ZNF831: variants seen among roughly 807,000 people sequenced by gnomAD.
ZNF831 encodes zinc finger protein 831, also known as chromosome 20 open reading frame 174.
A neutral mutation model predicts 95.8 loss-of-function variants in ZNF831; 59 were observed. The observed-to-expected ratio is 0.62, with a 90% CI of 0.50 to 0.77. The LOEUF is 0.77. ZNF831 is among the 30% of genes least tolerant of loss of function. The pLI, the probability that ZNF831 is intolerant of heterozygous loss-of-function variation, is 0.00. For missense variants in ZNF831, 2,205 were observed against 2,164.0 expected, an observed-to-expected ratio of 1.02 and a Z score of -0.38; for synonymous variants, 961 against 925.5, an observed-to-expected ratio of 1.04 and a Z score of -0.70.
intron 3 of ZNF831, among the ~76,000 whole-genome samples, chr20:59,199,774 C>T (rs1984397249): frequency 6.6e-6 from 1 of 152,072 alleles, no homozygotes; most frequent in Non-Finnish European, 1.5e-5. Context: ...TTTTAAGCCC[C>T]TTTATTTATA....
intron 1 of ZNF831, among the ~76,000 whole-genome samples, chr20:59,185,292 C>T (rs1311665208): frequency 1.3e-5 from 2 of 152,196 alleles, no homozygotes; most frequent in African/African-American, 4.8e-5. Flanking sequence ...TCAGCTGTTA[C>T]TCAAAGGCGT....
chr20:59,189,906 A>G (rs1348381725), intron 1 of ZNF831, among the ~76,000 whole-genome samples: 1 of 152,198 alleles, frequency 6.6e-6, no homozygotes, highest in Non-Finnish European at 1.5e-5. Flanking sequence ...GGATGGGTGA[A>G]ATGTGCTTAT....
At chr20:59,197,619 C>G (rs1471577002) in intron 3 of ZNF831, among the ~76,000 whole-genome samples, 1 of 152,182 alleles carries the variant, frequency 6.6e-6, no homozygotes, top group Non-Finnish European at 1.5e-5. Flanking sequence ...GGGAGTGGGG[C>G]TTTCCTTTCC....
At position 59,240,551 on chromosome 20, in the gene ZNF831, C is replaced by T. The variant is rs148195640; in HGVS notation, c.4028-12427C>T. 6.2e-3 allele frequency among the ~76,000 whole-genome samples: 940 copies of T among 152,178 alleles called. 34 individuals are homozygous for T. The East Asian group carries it at 0.069, about 11-fold the overall frequency. On this transcript the variant is annotated intron_variant, in intron 4 of 5. Transcript: ENST00000371030. ...GCGCGGTGGCTCACTCCTGTAATCC[C>T]AGCACTTTGGGAGGCTGAGGCGGGC...
In ZNF831 at chr20:59,253,003, T is replaced by G; in HGVS notation, c.4053T>G (p.Ser1351=). 1 of 1,613,966 alleles carries G rather than the reference T, an allele frequency of 6.2e-7. No individual in the cohort carries two copies. ...GTCTGAATCTGCAAGAGGAGCCATC[T>G]TGTGCCACCTCAGAATCACCTCCTT... ...IAGLNLQEEP[S]CATSESPPCC... The change falls in exon 5 of 6, where the codon TCT becomes TCG. Residue 1351 remains serine (S), a synonymous_variant. Transcript: ENST00000371030.
rs1345198596 is a variant in ZNF831 at position 59,192,311 on chromosome 20, A to C, written c.1292A>C (p.Lys431Thr). ...DAQLDNVRPR[K>T]TGLSKQGSID... ...CAGCTGGACAACGTGCGGCCCCGGAAGACCGGGCTGTCCAAACAGGGCAGC... is the reference window on the plus strand; with the variant it reads ...CAGCTGGACAACGTGCGGCCCCGGACGACCGGGCTGTCCAAACAGGGCAGC... Residue 431 changes from lysine to threonine, a missense_variant, in exon 2 of 6, where the codon AAG becomes ACG. Transcript: ENST00000371030. The surrounding 1 kb of genome is among the most constrained non-coding windows in gnomAD (Gnocchi z 5.2). 6.3e-7 allele frequency: 1 copy of C among 1,594,262 alleles called. No individual in the cohort carries two copies. The highest frequency in any genetic ancestry group is 1.7e-5 in the Admixed American group (1 of 57,800).
intron 2 of ZNF831, among the ~76,000 whole-genome samples, chr20:59,154,261 G>A (rs1370743678): frequency 6.6e-6 from 1 of 152,158 alleles, no homozygotes; most frequent in African/African-American, 2.4e-5. Flanking sequence ...CATACATGCA[G>A]AGACTAAGTG....
intron 1 of ZNF831, among the ~76,000 whole-genome samples, chr20:59,145,537 T>G (rs1979818381): frequency 6.6e-6 from 1 of 152,190 alleles, no homozygotes; most frequent in Non-Finnish European, 1.5e-5. Flanking sequence ...CATTCCACTG[T>G]GTGCATGATG....
chr20:59,133,865 A>T (rs979172071), intron 1 of ZNF831, among the ~76,000 whole-genome samples: 8 of 152,098 alleles, frequency 5.3e-5, no homozygotes, highest in Admixed American at 3.9e-4. Flanking sequence ...CATGCTGCTC[A>T]CTCTCAGGTC....
Position 59,192,348 on chromosome 20 carries a change from C to T in ZNF831, c.1329C>T (p.Pro443=), listed in dbSNP as rs936293980. Residue 443 remains proline, a synonymous_variant, in exon 2 of 6, where the codon CCC becomes CCT. Coordinates refer to ENST00000371030, the MANE Select transcript of ZNF831 (RefSeq NM_178457.3). This position sits in a 1 kb window ranked among gnomAD's most constrained non-coding sequence, Gnocchi z 5.2. ...CCAAACAGGGCAGCATCGACCTGCC[C>T]ACGCCCTACACCTACAAGGACTCCT... ...GLSKQGSIDL[P]TPYTYKDSFH... 13 of 1,609,470 alleles carry T rather than the reference C, an allele frequency of 8.1e-6. No homozygotes were observed. Among genetic ancestry groups the T allele is most frequent in the Admixed American group, 1.7e-5 (1 of 59,608 alleles).
rs1320260847 is a variant in ZNF831, at chr20:59,209,776, GCTA to G, written c.4027+2721_4027+2723del. Among the ~76,000 whole-genome samples, 13 of 71,748 alleles carry G rather than the reference GCTA, an allele frequency of 1.8e-4. No individual in the cohort carries two copies. The East Asian group carries it at 2.8e-3, about 16-fold the overall frequency. The allele number at this position is 71,748 out of a possible 152,430, so 47.1% of individuals were successfully genotyped here. Reference sequence around the variant, plus strand: ...CTTCTGGGGCCTCCAGCTATTTCCTGCTATTTCCTTGGTTTGTTGCCTCATCTA... The same window carrying G: ...CTTCTGGGGCCTCCAGCTATTTCCTGTTTCCTTGGTTTGTTGCCTCATCTA... On this transcript the variant is annotated intron_variant, in intron 4 of 5. Transcript: ENST00000371030.
At chr20:59,165,778 A>G (rs1487584633) in intron 1 of ZNF831, among the ~76,000 whole-genome samples, 1 of 151,836 alleles carries the variant, frequency 6.6e-6, no homozygotes, top group Non-Finnish European at 1.5e-5. Context: ...TGGAGCTGTA[A>G]TCTCGCTCTG....
chr20:59,207,886 C>G (rs1161911108), intron 4 of ZNF831, among the ~76,000 whole-genome samples: 1 of 152,182 alleles, frequency 6.6e-6, no homozygotes, highest in Non-Finnish European at 1.5e-5. Context: ...AGGTCTTTGG[C>G]CCTGGGGGAT....
intron 2 of ZNF831, among the ~76,000 whole-genome samples, chr20:59,195,378 G>A (rs957580719): frequency 1.3e-4 from 20 of 152,222 alleles, no homozygotes; most frequent in Admixed American, 3.3e-4. Context: ...TTGGGCCGCG[G>A]CCACTGAGGA....
intron 4 of ZNF831, among the ~76,000 whole-genome samples, chr20:59,233,571 G>C (rs1600665952): frequency 1.3e-5 from 2 of 152,176 alleles, no homozygotes; most frequent in African/African-American, 4.8e-5. Flanking sequence ...GAAAGCCAAA[G>C]CCTCCATAAA....
chr20:59,174,758 C>CA (rs970686582), intron 1 of ZNF831, among the ~76,000 whole-genome samples: 1 of 151,920 alleles, frequency 6.6e-6, no homozygotes, highest in East Asian at 1.9e-4. Flanking sequence ...ACAAAACAAA[C>CA]AAAAAAACAC....
chr20:59,181,136 C>CT (rs1215808346), intron 1 of ZNF831, among the ~76,000 whole-genome samples: 3 of 152,182 alleles, frequency 2.0e-5, no homozygotes, highest in Non-Finnish European at 2.9e-5. Flanking sequence ...TGATGATGAT[C>CT]TTTTTTTCAT....
chr20:59,134,921 A>G (rs1979456276), intron 1 of ZNF831, among the ~76,000 whole-genome samples: 1 of 152,198 alleles, frequency 6.6e-6, no homozygotes, highest in Non-Finnish European at 1.5e-5. Context: ...GAGGAATACC[A>G]TGCATGACAG....
intron 1 of ZNF831, among the ~76,000 whole-genome samples, chr20:59,127,305 C>T (rs774125210): frequency 2.0e-5 from 3 of 152,194 alleles, no homozygotes; most frequent in East Asian, 3.9e-4. Flanking sequence ...CATGGCTCCC[C>T]GGCCCTGTCA....
Sources: allele counts gnomAD v4.1 joint callset (sites outside exome capture counted in the v4.1 genomes callset), GRCh38; gene constraint gnomAD v4.1.1; non-coding constraint Gnocchi (gnomAD v3.1); transcripts MANE v1.5; gene names NCBI Gene and HGNC (gene_info 2026-07-23, HGNC 2026-07-21).